The following LRP1B variants were observed in gnomAD, a reference collection of about 807,000 sequenced individuals.
LRP1B encodes low-density lipoprotein receptor-related protein 1B.
Under a neutral mutation model 556.6 loss-of-function variants are expected in LRP1B, and 217 were observed. The ratio of observed to expected loss-of-function variants is 0.39; its 90% CI spans 0.35 to 0.44. The LOEUF (loss-of-function observed/expected upper bound fraction) is 0.44, where lower values mean the gene tolerates loss of function less well. LRP1B is among the 20% of genes least tolerant of loss of function. The probability of loss-of-function intolerance (pLI) is 1.00; values close to 1 mark genes in which losing one functional copy is unlikely to be tolerated. For missense variants in LRP1B, 5,053 were observed against 5,620.8 expected, an observed-to-expected ratio of 0.90 and a Z score of 3.23; for synonymous variants, 2,047 against 1,865.8, an observed-to-expected ratio of 1.10 and a Z score of -2.50.
intron 3 of LRP1B, among the ~76,000 whole-genome samples, chr2:141,322,947 A>G (rs941641708): frequency 5.3e-5 from 8 of 152,140 alleles, no homozygotes; most frequent in African/African-American, 1.9e-4. Flanking sequence ...CTGAGCTTGA[A>G]GATTTTTCTG....
intron 33 of LRP1B, among the ~76,000 whole-genome samples, chr2:140,775,205 G>T (rs17514829): frequency 0.52 from 78,134 of 151,714 alleles, 20,525 homozygotes; most frequent in East Asian, 0.6. Context: ...TGTGCAGGCA[G>T]CGCTCTCAAT....
chr2:141,590,606 A>G (rs560593661), intron 2 of LRP1B, among the ~76,000 whole-genome samples: 5 of 152,236 alleles, frequency 3.3e-5, no homozygotes, highest in South Asian at 4.1e-4. Context: ...ACAAGGCCCC[A>G]GTTCCTCGCA....
At chr2:141,284,489 T>C (rs923970228) in intron 3 of LRP1B, among the ~76,000 whole-genome samples, 1 of 152,210 alleles carries the variant, frequency 6.6e-6, no homozygotes, top group African/African-American at 2.4e-5. Context: ...AAGGTACTAC[T>C]AGGAATGGAA....
At chr2:141,662,827 C>A (rs1004364339) in intron 2 of LRP1B, among the ~76,000 whole-genome samples, 6 of 151,784 alleles carry the variant, frequency 4.0e-5, no homozygotes, top group African/African-American at 1.5e-4. Context: ...ATCAAGTGGA[C>A]CTAATAGATA....
chr2:140,447,748 C>T (rs888442776), intron 63 of LRP1B, among the ~76,000 whole-genome samples: 3 of 152,096 alleles, frequency 2.0e-5, no homozygotes, highest in Admixed American at 2.0e-4. Context: ...AGATGCCTTT[C>T]TCACTAAGCT....
intron 1 of LRP1B, among the ~76,000 whole-genome samples, chr2:141,909,524 ACATTTTTTTTTTTTTTTT>A (rs1251448117): frequency 4.8e-5 from 5 of 104,486 alleles, no homozygotes; most frequent in Non-Finnish European, 9.7e-5. Flanking sequence ...AAGGTCTCAG[ACATTTTTTTTTTTTTTTT>A]TTTTTTTTTT....
intron 2 of LRP1B, among the ~76,000 whole-genome samples, chr2:141,737,071 G>A (rs1403412995): frequency 1.3e-5 from 2 of 151,986 alleles, no homozygotes; most frequent in Non-Finnish European, 2.9e-5. Flanking sequence ...TGTGGAAGTC[G>A]GGCCAGGCAC....
intron 1 of LRP1B, among the ~76,000 whole-genome samples, chr2:141,984,561 T>A (rs181504632): frequency 1.3e-5 from 2 of 152,120 alleles, no homozygotes; most frequent in Admixed American, 1.3e-4. Context: ...TAATCATATC[T>A]TTCCTGTGTC....
At chr2:141,339,704 A>G (rs1687984232) in intron 3 of LRP1B, among the ~76,000 whole-genome samples, 2 of 152,214 alleles carry the variant, frequency 1.3e-5, no homozygotes, top group Non-Finnish European at 2.9e-5. Context: ...AGTCAATCAT[A>G]TTAAAAGATT....
At chr2:141,325,420 T>C (rs959990132) in intron 3 of LRP1B, among the ~76,000 whole-genome samples, 1 of 152,134 alleles carries the variant, frequency 6.6e-6, no homozygotes, top group Non-Finnish European at 1.5e-5. Context: ...GAAACAAGAT[T>C]ATTTCCATAA....
rs148548688 is a variant in LRP1B, at chr2:141,343,505, A to G, written c.344-88864T>C. On this transcript the variant is annotated intron_variant, in intron 3 of 90. Transcript: ENST00000389484. ...TGCTAGATATTTTTGTGGGCCTGTA[A>G]TTATTTTTGAGCTTTGTTTTGTGAA... Among the ~76,000 whole-genome samples the G allele has an allele frequency of 1.2e-3, 178 of 152,238 alleles. 1 individual carries two copies. Among genetic ancestry groups the G allele is most frequent in the African/African-American group, 4.2e-3 (174 of 41,540 alleles).
intron 32 of LRP1B, among the ~76,000 whole-genome samples, chr2:140,780,491 A>T (rs1689660249): frequency 6.6e-6 from 1 of 152,172 alleles, no homozygotes; most frequent in South Asian, 2.1e-4. Flanking sequence ...CTAAGACTAT[A>T]ACACTGGAGC....
intron 32 of LRP1B, among the ~76,000 whole-genome samples, chr2:140,806,060 C>T (rs1690703557): frequency 9.1e-6 from 1 of 110,386 alleles, no homozygotes; most frequent in East Asian, 3.2e-4. Flanking sequence ...CCCCAGAGAG[C>T]TCTTTCTCTC....
chr2:140,860,677 T>TG (rs977989705), intron 27 of LRP1B, among the ~76,000 whole-genome samples: 5 of 152,096 alleles, frequency 3.3e-5, no homozygotes, highest in African/African-American at 1.2e-4. Context: ...ATTTTTTTTT[T>TG]TTAATTCCAA....
At chr2:141,555,753 A>G (rs148207897) in intron 2 of LRP1B, among the ~76,000 whole-genome samples, 1 of 152,022 alleles carries the variant, frequency 6.6e-6, no homozygotes, top group East Asian at 1.9e-4. Context: ...TTGATGAGGT[A>G]CCTGGTGAGT....
At chr2:141,818,514 A>G (rs980088142) in intron 1 of LRP1B, among the ~76,000 whole-genome samples, 8 of 149,250 alleles carry the variant, frequency 5.4e-5, no homozygotes, top group Non-Finnish European at 1.0e-4. Context: ...CTTTCCCTAA[A>G]TATAACATTT....
At chr2:140,978,177 C>T (rs552914561) in intron 18 of LRP1B, among the ~76,000 whole-genome samples, 1 of 152,266 alleles carries the variant, frequency 6.6e-6, no homozygotes, top group African/African-American at 2.4e-5. Context: ...ATAATCTCAA[C>T]CTAAAATGTG....
At chr2:141,088,532 T>G (rs1247193246) in intron 7 of LRP1B, among the ~76,000 whole-genome samples, 1 of 152,166 alleles carries the variant, frequency 6.6e-6, no homozygotes, top group African/African-American at 2.4e-5. Context: ...TAAAAATCTT[T>G]TGTGTGTTCG....
At chr2:141,280,184 A>G (rs1036977215) in intron 3 of LRP1B, among the ~76,000 whole-genome samples, 37 of 152,122 alleles carry the variant, frequency 2.4e-4, no homozygotes, top group African/African-American at 8.7e-4. Flanking sequence ...ATACATGCAC[A>G]TGCTCTGAAT....
Sources: gnomAD v4.1 joint callset for allele counts (sites outside exome capture counted in the v4.1 genomes callset) on GRCh38, gnomAD v4.1.1 for gene constraint, MANE v1.5 for transcripts, NCBI Gene and HGNC (gene_info 2026-07-23, HGNC 2026-07-21) for gene names.